The following AMOTL2 variants were observed in gnomAD, a reference collection of about 807,000 sequenced individuals.
The protein encoded by AMOTL2 is angiomotin like 2.
AMOTL2 carries 33 observed loss-of-function variants against 78.4 expected under a neutral mutation model. That is an observed-to-expected ratio of 0.42 (90% CI 0.32 to 0.56). The LOEUF is 0.56. Ranked by LOEUF, AMOTL2 falls within the 20% of genes least tolerant of loss-of-function variation. The probability of loss-of-function intolerance (pLI) is 0.12; values close to 1 mark genes in which losing one functional copy is unlikely to be tolerated. For synonymous variants in AMOTL2, 422 were observed against 428.8 expected (o/e 0.98, Z 0.20); for missense variants, 983 against 1,030.1 (o/e 0.95, Z 0.63).
Position 134,360,703 on chromosome 3 carries a change from G to A in AMOTL2, c.1576-290C>T, listed in dbSNP as rs180931500. On this transcript the variant is annotated intron_variant, in intron 6 of 9. Transcript: ENST00000249883. ...AACTGGTGTACATTAGAACAGAACT[G>A]GGCAAACCAGGGGGTTCAGTCACAC... Among the ~76,000 whole-genome samples, 56 of 152,294 alleles carry A rather than the reference G, an allele frequency of 3.7e-4. 2 individuals are homozygous for A. Among genetic ancestry groups the A allele is most frequent in the South Asian group, 8.3e-4 (4 of 4,824 alleles).
chr3:134,371,152 T>C lies in AMOTL2; in HGVS notation c.282A>G (p.Leu94=), dbSNP rs774316552. 5 of 1,613,892 alleles carry C rather than the reference T, an allele frequency of 3.1e-6. No individual in the cohort carries two copies. The highest frequency in any genetic ancestry group is 2.2e-5 in the East Asian group (1 of 44,854). The change falls in exon 2 of 10, where the codon CTA becomes CTG. Residue 94 remains leucine, a synonymous_variant. Coordinates refer to ENST00000249883, the MANE Select transcript of AMOTL2 (RefSeq NM_016201.4). ...NHLAENTLYR[L]CPQPSKGEEL... The stretch of plus-strand genomic sequence containing the variant: ...CCTCTCCCTTGCTGGGCTGTGGGCA[T>C]AGCCGGTAGAGGGTGTTCTCTGCCA...
chr3:134,361,569 C>G lies in AMOTL2; in HGVS notation c.1518G>C (p.Leu506=). ...LQAACEKREQ[L]ELRLRTRLEQ... The stretch of plus-strand genomic sequence containing the variant: ...CCAGGCGAGTCCGCAGACGCAGCTC[C>G]AGCTGCTCCCGCTTCTCACAGGCTG... The change falls in exon 6 of 10, where the codon CTG becomes CTC. Residue 506 remains leucine (L), a synonymous_variant. Transcript: ENST00000249883. 1 of 1,613,458 alleles carries G rather than the reference C, an allele frequency of 6.2e-7. No homozygotes were observed. The highest frequency in any genetic ancestry group is 8.5e-7 in the Non-Finnish European group (1 of 1,179,966).
Position 134,361,690 on chromosome 3 carries a change from T to C in AMOTL2, c.1397A>G (p.Gln466Arg). Residue 466 changes from glutamine to arginine, a missense_variant, in exon 6 of 10, where the codon CAG (glutamine) becomes CGG (arginine). Gln to Arg is a conservative substitution (Grantham distance 43). Coordinates refer to ENST00000249883, the MANE Select transcript of AMOTL2 (RefSeq NM_016201.4). ...ELLEQALGNAQGRAARAEEEL... is the reference protein window; with the variant it reads ...ELLEQALGNARGRAARAEEEL... ...CTCTTCGGCTCGAGCTGCCCGGCCC[T>C]GCGCATTGCCCAGAGCCTGCTCCAG... 1.2e-6 allele frequency: 2 copies of C among 1,611,296 alleles called. No individual in the cohort carries two copies. Among genetic ancestry groups the C allele is most frequent in the Non-Finnish European group, 1.7e-6 (2 of 1,179,804 alleles).
chr3:134,373,696 G>C lies in AMOTL2; in HGVS notation c.-62+646C>G, dbSNP rs1011442324. 4 of 985,316 alleles carry C rather than the reference G, an allele frequency of 4.1e-6. No homozygotes were observed. The African/African-American group carries it at 7.0e-5, about 17-fold the overall frequency. 61.0% of individuals were successfully genotyped at this position (985,316 alleles called of 1,614,324 possible). A position where few individuals can be genotyped will look rare whatever the true frequency, so the allele number is the denominator to read the frequency against. On this transcript the variant is annotated intron_variant, in intron 1 of 9. Coordinates refer to ENST00000249883, the MANE Select transcript of AMOTL2 (RefSeq NM_016201.4). The stretch of plus-strand genomic sequence containing the variant: ...CGAGCCCGGGCGGACCTGGAGCACC[G>C]GTGGCCGCTGGTACGCCTGGGGCGA...
At position 134,366,302 on chromosome 3, in the gene AMOTL2, G is replaced by A; in HGVS notation, c.1167C>T (p.Asp389=). 6.8e-6 allele frequency: 11 copies of A among 1,614,202 alleles called. No individual in the cohort carries two copies. Among genetic ancestry groups the A allele is most frequent in the Non-Finnish European group, 9.3e-6 (11 of 1,180,026 alleles). The stretch of plus-strand genomic sequence containing the variant: ...TCTCACCTCTAAGATCCCGGTTGAA[G>A]TCTTGCAGCCTCCTCATTTCACTGT... ...KMDSEMRRLQ[D]FNRDLRERLE... Residue 389 remains aspartate (D), a synonymous_variant, in exon 4 of 10, where the codon GAC becomes GAT. Transcript: ENST00000249883.
In AMOTL2 at chr3:134,358,676, A is replaced by G; in HGVS notation, c.2148T>C (p.Pro716=). The G allele has an allele frequency of 6.2e-7, 1 of 1,614,096 alleles. No individual in the cohort carries two copies. Among genetic ancestry groups the G allele is most frequent in the Admixed American group, 1.7e-5 (1 of 60,014 alleles). ...PTEEPVVTAP[P]AAHAKHGSRD... ...TGCTCCCGTGTTTGGCATGGGCAGC[A>G]GGGGGAGCTGTGACCACTGGCTCCT... Residue 716 remains proline (P), a synonymous_variant, in exon 9 of 10, where the codon CCT becomes CCC. Coordinates refer to ENST00000249883, the MANE Select transcript of AMOTL2 (RefSeq NM_016201.4).
intron 5 of AMOTL2, among the ~76,000 whole-genome samples, chr3:134,364,515 C>G (rs2017524542): frequency 6.6e-6 from 1 of 152,006 alleles, no homozygotes; most frequent in South Asian, 2.1e-4. Context: ...TCAGGGAAAC[C>G]CCAGGGCTGC....
chr3:134,374,158 T>C (rs139012609), intron 1 of AMOTL2, 184 bp downstream of exon 1: 1 of 860,546 alleles, frequency 1.2e-6, no homozygotes, highest in Non-Finnish European at 1.4e-6. Context: ...CTGCGCTCCC[T>C]GGGCAGAGCG....
At chr3:134,373,676 C>T (rs1315648243) in intron 1 of AMOTL2, 2 of 985,368 alleles carry the variant, frequency 2.0e-6, no homozygotes, top group Middle Eastern at 5.2e-4. Context: ...CACCACGAGC[C>T]CGGGCGGACC....
At chr3:134,371,697 C>T in intron 1 of AMOTL2, 2 of 787,526 alleles carry the variant, frequency 2.5e-6, no homozygotes, top group East Asian at 5.6e-5. Context: ...CTCTGAGCCT[C>T]AGTTTCTCCA....
chr3:134,357,670 A>G lies in AMOTL2; in HGVS notation c.*35T>C. ...AGAGTGGCACAGGGCAGAGGAGGGG[A>G]GAGAATGGCTCAGAGTCCTGAAGCA... On this transcript the variant is annotated 3_prime_UTR_variant, in exon 10 of 10. Transcript: ENST00000249883. 6.2e-7 allele frequency: 1 copy of G among 1,609,456 alleles called. No homozygotes were observed. Among genetic ancestry groups the G allele is most frequent in the South Asian group, 1.1e-5 (1 of 90,936 alleles).
intron 1 of AMOTL2, among the ~76,000 whole-genome samples, chr3:134,372,232 G>T (rs1330603677): frequency 6.6e-6 from 1 of 152,132 alleles, no homozygotes; most frequent in African/African-American, 2.4e-5. Flanking sequence ...CTGGAGGATG[G>T]GCTTGGGCTC....
At chr3:134,374,271 A>T (rs893793595) in intron 1 of AMOTL2, 71 bp downstream of exon 1, 2 of 984,974 alleles carry the variant, frequency 2.0e-6, no homozygotes, top group Non-Finnish European at 1.2e-6. Flanking sequence ...TTGCGCCGAG[A>T]CTCCAGCTTT....
At chr3:134,358,822 G>A (rs1362737347) in intron 8 of AMOTL2, 103 bp from the exon 9 acceptor site, 2 of 1,363,006 alleles carry the variant, frequency 1.5e-6, no homozygotes, top group East Asian at 2.3e-5. Context: ...GGTGGAGTGG[G>A]CTGCTCTTGA....
At chr3:134,363,732 G>C (rs2017476584) in intron 5 of AMOTL2, among the ~76,000 whole-genome samples, 1 of 152,272 alleles carries the variant, frequency 6.6e-6, no homozygotes, top group African/African-American at 2.4e-5. Flanking sequence ...AGTGTTGACT[G>C]ACCCCAGATA....
chr3:134,358,726 A>T lies in AMOTL2; in HGVS notation c.2105-7T>A, dbSNP rs1182089735. On this transcript the variant is annotated splice_region_variant and splice_polypyrimidine_tract_variant and intron_variant, in intron 8 of 9. Transcript: ENST00000249883. ...TCTGTGGGTGCTCTGTCTGCTGGAA[A>T]GGTAGGTGGATGGTTATTGCCATGC... The T allele has an allele frequency of 1.9e-6, 3 of 1,613,860 alleles. No individual in the cohort carries two copies. The African/African-American group carries it at 4.0e-5, about 22-fold the overall frequency.
intron 7 of AMOTL2, 88 bp from the exon 8 acceptor site, chr3:134,359,591 G>GCCC: frequency 3.9e-6 from 4 of 1,013,058 alleles, no homozygotes; most frequent in South Asian, 3.3e-5. Flanking sequence ...TAGAGGAAAA[G>GCCC]CCCCCCCCAA....
At chr3:134,366,188 GAC>G (rs1409135031) in intron 4 of AMOTL2, 93 bp downstream of exon 4, 2 of 1,505,964 alleles carry the variant, frequency 1.3e-6, no homozygotes, top group African/African-American at 2.8e-5. Flanking sequence ...CTGCACTTTT[GAC>G]AGAGAATAGA....
At chr3:134,359,540 C>A in intron 7 of AMOTL2, 37 bp from the exon 8 acceptor site, 1 of 1,554,470 alleles carries the variant, frequency 6.4e-7, no homozygotes. Flanking sequence ...TTGTCAGACC[C>A]ACAGATCCAA....
Sources: gnomAD v4.1 joint callset for allele counts (sites outside exome capture counted in the v4.1 genomes callset) on GRCh38, gnomAD v4.1.1 for gene constraint, MANE v1.5 for transcripts, NCBI Gene and HGNC (gene_info 2026-07-23, HGNC 2026-07-21) for gene names.